The following RETREG1 variants were observed in gnomAD, a reference collection of about 807,000 sequenced individuals.
RETREG1 encodes the protein family with sequence similarity 134 member B.
In RETREG1, 44 loss-of-function variants were observed where a neutral mutation model predicts 54.8. The ratio of observed to expected loss-of-function variants is 0.80; its 90% confidence interval spans 0.63 to 1.03. The LOEUF is 1.03. Ranked by LOEUF, RETREG1 falls within the 50% of genes least tolerant of loss-of-function variation. RETREG1 has a pLI of 0.00. For synonymous variants in RETREG1, 217 were observed against 238.5 expected, an observed-to-expected ratio of 0.91 and a Z score of 0.83; for missense variants, 554 against 605.1, an observed-to-expected ratio of 0.92 and a Z score of 0.89.
chr5:16,562,015 A>G (rs1053242374), intron 3 of RETREG1, among the ~76,000 whole-genome samples: 37 of 152,302 alleles, frequency 2.4e-4, no homozygotes, highest in African/African-American at 8.7e-4. Flanking sequence ...TAACCCAGGC[A>G]TACAAAGCTT....
rs1223637290 is a variant in RETREG1, at chr5:16,616,882, G to GGGCGGTGGC, written c.81_89dup (p.Pro28_Pro30dup). On this transcript the variant is annotated inframe_insertion, in exon 1 of 9. Coordinates refer to ENST00000306320, the MANE Select transcript of RETREG1 (RefSeq NM_001034850.3). ...GCTGCCGCTCTGCGGGGGATGCCTG[G>GGGCGGTGGC]GGCGGTGGCGGCGACGGCGGCGCCT... The GGGCGGTGGC allele has an allele frequency of 1.3e-6, 2 of 1,486,060 alleles. No homozygotes were observed. The highest frequency in any genetic ancestry group is 4.5e-5 in the Admixed American group (2 of 44,278). 92.1% of individuals were successfully genotyped at this position (1,486,060 alleles called of 1,614,324 possible).
chr5:16,490,610 G>A (rs915243796), intron 3 of RETREG1, among the ~76,000 whole-genome samples: 5 of 142,042 alleles, frequency 3.5e-5, no homozygotes, highest in Non-Finnish European at 7.8e-5. Context: ...CAACCAACCT[G>A]TGAGTGAACT....
chr5:16,485,468 C>A, intron 3 of RETREG1, among the ~76,000 whole-genome samples: 1 of 152,124 alleles, frequency 6.6e-6, no homozygotes, highest in Non-Finnish European at 1.5e-5. Context: ...TGCGCGAGGA[C>A]AAAAAAATAT....
At chr5:16,614,255 A>C (rs1453212682) in intron 1 of RETREG1, among the ~76,000 whole-genome samples, 1 of 151,988 alleles carries the variant, frequency 6.6e-6, no homozygotes, top group African/African-American at 2.4e-5. Flanking sequence ...CATAGAAAAA[A>C]GTTTGCAACT....
intron 3 of RETREG1, among the ~76,000 whole-genome samples, chr5:16,558,696 T>A (rs1741776116): frequency 6.6e-6 from 1 of 152,214 alleles, no homozygotes; most frequent in Non-Finnish European, 1.5e-5. Flanking sequence ...TTAAGACACA[T>A]TAGAACAAAT....
intron 1 of RETREG1, among the ~76,000 whole-genome samples, chr5:16,591,629 C>A (rs1561132447): frequency 6.6e-6 from 1 of 152,204 alleles, no homozygotes; most frequent in African/African-American, 2.4e-5. Context: ...GATCTCTGCT[C>A]CCTTTGTGTG....
chr5:16,492,469 A>G (rs923654719), intron 3 of RETREG1, among the ~76,000 whole-genome samples: 2 of 137,392 alleles, frequency 1.5e-5, no homozygotes, highest in African/African-American at 5.2e-5. Flanking sequence ...TGACAAACTT[A>G]AAAAAAAAAA....
At chr5:16,556,643 G>A (rs1018582710) in intron 3 of RETREG1, among the ~76,000 whole-genome samples, 29 of 152,024 alleles carry the variant, frequency 1.9e-4, no homozygotes, top group African/African-American at 5.8e-4. Context: ...TCATTGATAA[G>A]TTACCTAATG....
chr5:16,512,126 G>C (rs1440428879), intron 3 of RETREG1, among the ~76,000 whole-genome samples: 1 of 152,210 alleles, frequency 6.6e-6, no homozygotes, highest in Admixed American at 6.5e-5. Flanking sequence ...AAGGTGCTAA[G>C]CGTTTCCTCA....
Position 16,528,853 on chromosome 5 carries a change from A to G in RETREG1, c.458+36910T>C, listed in dbSNP as rs1005215472. On this transcript the variant is annotated intron_variant, in intron 3 of 8. Transcript: ENST00000306320. The stretch of plus-strand genomic sequence containing the variant: ...GCCTGCCACAATACTCAATCCTACC[A>G]TTGTGGCATCAAAGCAGCCACAGGC... 3.3e-5 allele frequency among the ~76,000 whole-genome samples: 5 copies of G among 152,274 alleles called. No homozygotes were observed. In the East Asian group the frequency reaches 5.8e-4, roughly 18 times the overall value.
At chr5:16,581,930 C>T (rs1424845764) in intron 1 of RETREG1, among the ~76,000 whole-genome samples, 2 of 152,140 alleles carry the variant, frequency 1.3e-5, no homozygotes, top group Admixed American at 6.5e-5. Flanking sequence ...GTTTGCTGCA[C>T]TTATCAACCC....
chr5:16,505,372 C>T (rs758604343), intron 3 of RETREG1, among the ~76,000 whole-genome samples: 2 of 152,208 alleles, frequency 1.3e-5, no homozygotes, highest in Non-Finnish European at 2.9e-5. Flanking sequence ...TTCATTTCCT[C>T]AGCCCCTATT....
intron 1 of RETREG1, among the ~76,000 whole-genome samples, chr5:16,573,623 T>C (rs1385379378): frequency 6.6e-6 from 1 of 151,040 alleles, no homozygotes; most frequent in African/African-American, 2.4e-5. Context: ...AAGGCTTAGG[T>C]GTTGTCACAG....
At chr5:16,483,617 C>A (rs927952746) in intron 3 of RETREG1, 145 bp from the exon 4 acceptor site, 1 of 763,434 alleles carries the variant, frequency 1.3e-6, no homozygotes, top group African/African-American at 1.8e-5. Flanking sequence ...ACTATCCAGA[C>A]ACCTGCTTCA....
intron 4 of RETREG1, among the ~76,000 whole-genome samples, chr5:16,482,785 T>C (rs1012806517): frequency 3.9e-5 from 6 of 152,116 alleles, no homozygotes; most frequent in African/African-American, 1.4e-4. Context: ...CAGCACTCCA[T>C]GTAATCCCTT....
Position 16,523,005 on chromosome 5 carries a change from AAAG to A in RETREG1, c.459-39536_459-39534del, listed in dbSNP as rs1246192351. 2.6e-5 allele frequency among the ~76,000 whole-genome samples: 4 copies of A among 152,218 alleles called. No homozygotes were observed. The East Asian group carries it at 5.8e-4, about 22-fold the overall frequency. ...TGGGCAATGCTGTCTCCAAAAGAAAAAAGAAGAAGAAAGAAAAGAAAGAAAGAG... is the reference window on the plus strand; with the variant it reads ...TGGGCAATGCTGTCTCCAAAAGAAAAAAGAAGAAAGAAAAGAAAGAAAGAG... On this transcript the variant is annotated intron_variant, in intron 3 of 8. Transcript: ENST00000306320.
intron 3 of RETREG1, among the ~76,000 whole-genome samples, chr5:16,531,363 T>C (rs1026711690): frequency 9.2e-5 from 14 of 152,202 alleles, no homozygotes; most frequent in African/African-American, 2.7e-4. Flanking sequence ...ATTAATGACA[T>C]AGTTTGGTGA....
At position 16,475,235 on chromosome 5, in the gene RETREG1, C is replaced by G; in HGVS notation, c.1001-1G>C. 1.2e-6 allele frequency: 2 copies of G among 1,611,016 alleles called. No homozygotes were observed. Among genetic ancestry groups the G allele is most frequent in the Non-Finnish European group, 1.7e-6 (2 of 1,179,728 alleles). ...ACTTCCTCACTGGGTCGGTCAAGATCTGTGAAATGGATAACAGAAGTTCAG... is the reference window on the plus strand; with the variant it reads ...ACTTCCTCACTGGGTCGGTCAAGATGTGTGAAATGGATAACAGAAGTTCAG... On this transcript the variant is annotated splice_acceptor_variant, in intron 8 of 8. Coordinates refer to ENST00000306320, the MANE Select transcript of RETREG1 (RefSeq NM_001034850.3). LOFTEE classifies it high-confidence loss of function.
intron 3 of RETREG1, among the ~76,000 whole-genome samples, chr5:16,531,439 G>T (rs1285079966): frequency 6.6e-6 from 1 of 152,176 alleles, no homozygotes; most frequent in Non-Finnish European, 1.5e-5. Flanking sequence ...GGAGGGTAAA[G>T]ATTAGAAATG....
Sources: allele counts gnomAD v4.1 joint callset (sites outside exome capture counted in the v4.1 genomes callset), GRCh38; gene constraint gnomAD v4.1.1; transcripts MANE v1.5; gene names NCBI Gene and HGNC (gene_info 2026-07-23, HGNC 2026-07-21).